Variants in DUOX1 observed in about 807,000 individuals in gnomAD.
DUOX1 encodes dual oxidase 1.
DUOX1 carries 134 observed loss-of-function variants against 181.8 expected under a neutral mutation model. The ratio of observed to expected loss-of-function variants is 0.74; its 90% confidence interval spans 0.64 to 0.85. The LOEUF is 0.85. Ranked by LOEUF, DUOX1 falls within the 40% of genes least tolerant of loss-of-function variation. The pLI is 0.00. For missense variants in DUOX1, 1,814 were observed against 2,064.4 expected, an observed-to-expected ratio of 0.88 and a Z score of 2.35; for synonymous variants, 798 against 832.5, an observed-to-expected ratio of 0.96 and a Z score of 0.71.
chr15:45,134,363 T>A, intron 4 of DUOX1, 54 bp downstream of exon 4: 2 of 1,531,342 alleles, frequency 1.3e-6, no homozygotes, highest in Non-Finnish European at 1.8e-6. Flanking sequence ...TGGACACCTC[T>A]GCATGTGAAG....
At position 45,147,476 on chromosome 15, in the gene DUOX1, A is replaced by T; in HGVS notation, c.2366A>T (p.Asp789Val). 1 of 1,613,632 alleles carries T rather than the reference A, an allele frequency of 6.2e-7. No homozygotes were observed. Among genetic ancestry groups the T allele is most frequent in the Non-Finnish European group, 8.5e-7 (1 of 1,179,894 alleles). The change falls in exon 19 of 34, where the codon GAC (aspartate) becomes GTC (valine). Residue 789 changes from aspartate (D) to valine (V), a missense_variant. By Grantham distance (152) the Asp-to-Val change is radical. Transcript: ENST00000389037. ...GCCGACGCAGGGACCCTGCCCCTGG[A>T]CTCCTCCCAGAAGGTGCGGGAGGCC... ...NQADAGTLPLDSSQKVREALT... is the reference protein window; with the variant it reads ...NQADAGTLPLVSSQKVREALT...
intron 16 of DUOX1, 65 bp from the exon 17 acceptor site, chr15:45,143,971 C>A: frequency 6.5e-7 from 1 of 1,538,100 alleles, no homozygotes; most frequent in Non-Finnish European, 9.0e-7. Flanking sequence ...CCTGAGCTGG[C>A]CCTCTTCCTC....
In DUOX1 at chr15:45,160,973, C is replaced by T. The variant is rs748636013; in HGVS notation, c.3839C>T (p.Ala1280Val). The stretch of plus-strand genomic sequence containing the variant: ...AAGGTGGAGATCAGCGTGGTGAAGG[C>T]GGAGCTGCTGCCCTCAGGTACCAGC... Reference protein sequence around the residue: ...RKKVEISVVKAELLPSGVTHL... With the variant: ...RKKVEISVVKVELLPSGVTHL... The change falls in exon 29 of 34, where the codon GCG becomes GTG. Residue 1280 changes from alanine to valine, a missense_variant. Around this residue, in one of 5 missense-constraint regions of DUOX1, gnomAD observed 279 missense variants for 381.9 expected, o/e 0.73. Coordinates refer to ENST00000389037, the MANE Select transcript of DUOX1 (RefSeq NM_175940.3). 2.5e-6 allele frequency: 4 copies of T among 1,614,042 alleles called. No individual in the cohort carries two copies. Among genetic ancestry groups the T allele is most frequent in the Non-Finnish European group, 3.4e-6 (4 of 1,179,980 alleles).
chr15:45,142,786 AG>A (rs58234986), intron 15 of DUOX1, among the ~76,000 whole-genome samples: 53,632 of 145,634 alleles, frequency 0.37, 10,860 homozygotes, highest in Non-Finnish European at 0.44. Context: ...GAAGGAAGGA[AG>A]GGAGGGAGGA....
Position 45,162,358 on chromosome 15 carries a change from G to A in DUOX1, c.4229G>A (p.Cys1410Tyr), listed in dbSNP as rs759992277. 1.2e-6 allele frequency: 2 copies of A among 1,613,952 alleles called. No homozygotes were observed. Among genetic ancestry groups the A allele is most frequent in the South Asian group, 1.1e-5 (1 of 91,028 alleles). The change falls in exon 31 of 34, where the codon TGC becomes TAC. Residue 1410 changes from cysteine (C) to tyrosine (Y), a missense_variant. Cys to Tyr is a radical substitution (Grantham distance 194). Around this residue, in one of 5 missense-constraint regions of DUOX1, gnomAD observed 279 missense variants for 381.9 expected, o/e 0.73. Transcript: ENST00000389037. Reference sequence around the variant, plus strand: ...CTGGTCTTCAAGTCATCCGTCAGCTGCCAAGTGTTCTGTAAGAAGGTGAGT... The same window carrying A: ...CTGGTCTTCAAGTCATCCGTCAGCTACCAAGTGTTCTGTAAGAAGGTGAGT... Reference protein sequence around the residue: ...KDLVFKSSVSCQVFCKKIYFI... With the variant: ...KDLVFKSSVSYQVFCKKIYFI...
Position 45,155,783 on chromosome 15 carries a change from C to T in DUOX1, c.3575-19C>T, listed in dbSNP as rs1361740915. 1 of 1,613,066 alleles carries T rather than the reference C, an allele frequency of 6.2e-7. No individual in the cohort carries two copies. Among genetic ancestry groups the T allele is most frequent in the South Asian group, 1.1e-5 (1 of 91,034 alleles). ...CAAGGCACTGATCTTCTGCCTTCCA[C>T]CCTATATTCATTTTGCAGGCCTCAC... On this transcript the variant is annotated intron_variant, in intron 27 of 33. Transcript: ENST00000389037.
At chr15:45,159,233 C>G (rs1377541212) in intron 28 of DUOX1, among the ~76,000 whole-genome samples, 1 of 152,178 alleles carries the variant, frequency 6.6e-6, no homozygotes, top group African/African-American at 2.4e-5. Flanking sequence ...GGCTGTGGCT[C>G]AGCTGAGAGG....
chr15:45,152,778 G>A, intron 25 of DUOX1: 1 of 572,052 alleles, frequency 1.7e-6, no homozygotes, highest in Non-Finnish European at 3.1e-6. Context: ...TGCATAATGT[G>A]TCAATTCTCC....
chr15:45,140,951 C>T lies in DUOX1; in HGVS notation c.1446C>T (p.Leu482=). Residue 482 remains leucine, a synonymous_variant, in exon 13 of 34, where the codon CTC becomes CTT. Transcript: ENST00000389037. The part of the protein sequence containing the change: ...YNQDLSWLEL[L]PGGLLESHRD... ...AGGACTTATCCTGGCTAGAGCTGCT[C>T]CCTGGGGGACTCCTGGAGAGCCACC... The T allele has an allele frequency of 1.2e-6, 2 of 1,614,184 alleles. 1 individual carries two copies. The highest frequency in any genetic ancestry group is 2.2e-5 in the South Asian group (2 of 91,078).
Position 45,142,096 on chromosome 15 carries a change from C to CGA in DUOX1, c.1806_1807insGA (p.Cys603AspfsTer7). ...GCTTCGGGGTCACCATCGGGACCCT[C>CGA]TGTTGCTTCCCTTTGGGTAAAATCA... is the stretch of plus-strand genomic sequence containing the variant. On this transcript the variant is annotated frameshift_variant, in exon 15 of 34. Transcript: ENST00000389037. LOFTEE classifies it high-confidence loss of function. The CGA allele has an allele frequency of 6.2e-7, 1 of 1,613,848 alleles. No homozygotes were observed. Among genetic ancestry groups the CGA allele is most frequent in the Non-Finnish European group, 8.5e-7 (1 of 1,179,898 alleles).
Position 45,137,134 on chromosome 15 carries a change from G to T in DUOX1, c.1022+509G>T, listed in dbSNP as rs117742123. On this transcript the variant is annotated intron_variant, in intron 9 of 33. Coordinates refer to ENST00000389037, the MANE Select transcript of DUOX1 (RefSeq NM_175940.3). ...AGGCAGAGGTGGGTGGTTCACCTGA[G>T]GTCGGGAGTTAGAGACCAGCCTGAC... Among the ~76,000 whole-genome samples the T allele has an allele frequency of 2.0e-3, 306 of 149,498 alleles. 7 individuals are homozygous for T. The East Asian group carries it at 0.05, about 24-fold the overall frequency.
chr15:45,163,458 A>G, intron 31 of DUOX1, 74 bp from the exon 32 acceptor site: 1 of 1,590,262 alleles, frequency 6.3e-7, no homozygotes. Context: ...GAAGAGTTCT[A>G]TCAGTATGGA....
chr15:45,150,462 C>G (rs1896770131), intron 21 of DUOX1, 170 bp from the exon 22 acceptor site: 1 of 629,330 alleles, frequency 1.6e-6, no homozygotes, highest in Non-Finnish European at 2.8e-6. Context: ...CTGGGTCCAG[C>G]TCCCATTGGG....
chr15:45,150,403 A>G (rs1047816436), intron 21 of DUOX1: 1 of 556,300 alleles, frequency 1.8e-6, no homozygotes, highest in East Asian at 3.0e-5. Context: ...ACTTTAGGGA[A>G]GCCTGCCTGG....
chr15:45,138,106 G>T, intron 10 of DUOX1, 92 bp downstream of exon 10: 1 of 1,041,858 alleles, frequency 9.6e-7, no homozygotes, highest in Non-Finnish European at 1.3e-6. Flanking sequence ...GTGTGTGTGT[G>T]AGTGCATGGT....
chr15:45,138,342 C>T (rs1204922141), intron 10 of DUOX1, among the ~76,000 whole-genome samples: 2 of 152,142 alleles, frequency 1.3e-5, no homozygotes, highest in African/African-American at 2.4e-5. Flanking sequence ...CCCTCTCCTT[C>T]GACAGCTTTG....
chr15:45,138,082 G>GTGTA (rs1301107760), intron 10 of DUOX1, 68 bp downstream of exon 10: 11 of 891,298 alleles, frequency 1.2e-5, no homozygotes, highest in Non-Finnish European at 1.8e-5. Flanking sequence ...GTGTGTATGT[G>GTGTA]TGTGTGTGTG....
intron 27 of DUOX1, among the ~76,000 whole-genome samples, chr15:45,154,548 G>C (rs1471430243): frequency 1.3e-5 from 2 of 150,188 alleles, no homozygotes; most frequent in Non-Finnish European, 2.9e-5. Context: ...TCCTTCCTTG[G>C]AGTAACATAA....
chr15:45,161,140 G>A (rs1052153202), intron 29 of DUOX1, 150 bp downstream of exon 29: 17 of 1,231,150 alleles, frequency 1.4e-5, no homozygotes, highest in South Asian at 4.5e-5. Context: ...GGGGCAAGGC[G>A]CAGTGGCTCA....
Sources: allele counts gnomAD v4.1 joint callset (sites outside exome capture counted in the v4.1 genomes callset), GRCh38; gene constraint gnomAD v4.1.1; regional missense constraint gnomAD v4.1.1; transcripts MANE v1.5; gene names NCBI Gene and HGNC (gene_info 2026-07-23, HGNC 2026-07-21).